The following SLC36A1 variants were observed in gnomAD, a reference collection of about 807,000 sequenced individuals.
SLC36A1 encodes proton-coupled amino acid transporter 1.
Under a neutral mutation model 47.5 loss-of-function variants are expected in SLC36A1, and 30 were observed. The ratio of observed to expected loss-of-function variants is 0.63; its 90% CI spans 0.47 to 0.86. The LOEUF (loss-of-function observed/expected upper bound fraction) is 0.86, where lower values mean the gene tolerates loss of function less well. Ranked by LOEUF, SLC36A1 falls within the 40% of genes least tolerant of loss-of-function variation. The pLI is 0.00. For missense variants in SLC36A1, 517 were observed against 606.0 expected (o/e 0.85, Z 1.54); for synonymous variants, 255 against 249.7 (o/e 1.02, Z -0.20).
At chr5:151,532,059 G>A in the SLC36A1 span, 1 of 1,515,836 alleles carries the variant, frequency 6.6e-7, no homozygotes, top group Non-Finnish European at 8.9e-7. Context: ...GGAGGGGCTG[G>A]GGAGGGGCTC....
chr5:151,455,937 T>G lies in SLC36A1; in HGVS notation c.-5-2851T>G, dbSNP rs141219048. Among the ~76,000 whole-genome samples, 3 of 152,338 alleles carry G rather than the reference T, an allele frequency of 2.0e-5. No homozygotes were observed. In the East Asian group the frequency reaches 5.8e-4, roughly 29 times the overall value. ...AGTTATGATGTCCAGTGTTAGCATTTTATGACTTAGTGGTGTCAGTTAGTC... is the reference window on the plus strand; with the variant it reads ...AGTTATGATGTCCAGTGTTAGCATTGTATGACTTAGTGGTGTCAGTTAGTC... On this transcript the variant is annotated intron_variant, in intron 1 of 10. Coordinates refer to ENST00000243389, the MANE Select transcript of SLC36A1 (RefSeq NM_078483.4).
At chr5:151,450,968 A>G (rs982949981) in intron 1 of SLC36A1, 1 of 152,182 alleles carries the variant, frequency 6.6e-6, no homozygotes, top group Non-Finnish European at 1.5e-5. Flanking sequence ...GAGTCTGTTT[A>G]CTTCCACCCA....
chr5:151,431,040 A>G, the SLC36A1 span, among the ~76,000 whole-genome samples: 1 of 152,148 alleles, frequency 6.6e-6, no homozygotes, highest in Admixed American at 6.5e-5. Context: ...CACAGTTCCC[A>G]GGTGTTGAAT....
chr5:151,449,659 A>G (rs1185739561), intron 1 of SLC36A1, among the ~76,000 whole-genome samples: 6 of 152,224 alleles, frequency 3.9e-5, no homozygotes, highest in Non-Finnish European at 7.3e-5. Flanking sequence ...TGGGACCAAT[A>G]GATGAAAGTG....
At chr5:151,405,343 C>CTTTTTTTTTTTTTTTT in the SLC36A1 span, among the ~76,000 whole-genome samples, 1 of 85,268 alleles carries the variant, frequency 1.2e-5, no homozygotes, top group Admixed American at 1.4e-4. Context: ...CTCTCTTTCT[C>CTTTTTTTTTTTTTTTT]TTTTTTTTTT....
At chr5:151,374,705 A>T in the SLC36A1 span, among the ~76,000 whole-genome samples, 1 of 152,224 alleles carries the variant, frequency 6.6e-6, no homozygotes, top group African/African-American at 2.4e-5. Context: ...ACAATGTATT[A>T]GCATTCCTTT....
rs75870261 is a variant in SLC36A1 at position 151,476,890 on chromosome 5, C to T, written c.989+134C>T. ...TCTAGCCCACCATCCCCTGCCACTGCCAGCCCTCACTGGCTGCCCTGGACT... is the reference window on the plus strand; with the variant it reads ...TCTAGCCCACCATCCCCTGCCACTGTCAGCCCTCACTGGCTGCCCTGGACT... On this transcript the variant is annotated intron_variant, in intron 9 of 10. Coordinates refer to ENST00000243389, the MANE Select transcript of SLC36A1 (RefSeq NM_078483.4). 981 of 1,118,592 alleles carry T rather than the reference C, an allele frequency of 8.8e-4. 9 individuals are homozygous for T. In the African/African-American group the frequency reaches 0.013, roughly 15 times the overall value. The allele number at this position is 1,118,592 out of a possible 1,614,324, so 69.3% of individuals were successfully genotyped here.
chr5:151,421,215 T>C, the SLC36A1 span, among the ~76,000 whole-genome samples: 113 of 142,752 alleles, frequency 7.9e-4, no homozygotes, highest in African/African-American at 2.7e-3. Context: ...CTTCCTTCCT[T>C]CCTCCCTTTC....
chr5:151,354,127 A>T, the SLC36A1 span, among the ~76,000 whole-genome samples: 2 of 152,110 alleles, frequency 1.3e-5, no homozygotes, highest in Non-Finnish European at 2.9e-5. Context: ...AACATGGTGA[A>T]ACCCCGTCTC....
the SLC36A1 span, chr5:151,537,657 G>T: frequency 2.5e-6 from 2 of 805,494 alleles, no homozygotes; most frequent in Non-Finnish European, 3.8e-6. Context: ...TACAATGCTT[G>T]GCACATAGGG....
the SLC36A1 span, chr5:151,531,827 C>G: frequency 6.2e-7 from 1 of 1,613,864 alleles, no homozygotes; most frequent in Non-Finnish European, 8.5e-7. The surrounding 1 kb of genome is among the most constrained non-coding windows in gnomAD (Gnocchi z 5.7). Flanking sequence ...GTGCCCAGGT[C>G]AGAGGCACGG....
At chr5:151,377,511 G>A in the SLC36A1 span, among the ~76,000 whole-genome samples, 15 of 151,306 alleles carry the variant, frequency 9.9e-5, no homozygotes, top group African/African-American at 3.6e-4. Context: ...ACCATGCCCG[G>A]CTAATTTTTG....
At chr5:151,397,764 C>CA in the SLC36A1 span, among the ~76,000 whole-genome samples, 18,106 of 43,964 alleles carry the variant, frequency 0.41, 3,339 homozygotes, top group East Asian at 0.47. Context: ...AACTCCAACT[C>CA]AAAAAAAAAA....
At chr5:151,459,295 C>T (rs575755197) in intron 2 of SLC36A1, among the ~76,000 whole-genome samples, 18 of 152,292 alleles carry the variant, frequency 1.2e-4, no homozygotes, top group Admixed American at 3.3e-4. Context: ...AGTCTCCCCC[C>T]GAATTCTGCC....
At chr5:151,472,890 A>C (rs6860029) in intron 7 of SLC36A1, among the ~76,000 whole-genome samples, 4,566 of 152,262 alleles carry the variant, frequency 0.03, 220 homozygotes, top group African/African-American at 0.1. Context: ...CATACTGGCC[A>C]GGCGCAGTGG....
At chr5:151,417,756 C>A in the SLC36A1 span, among the ~76,000 whole-genome samples, 1 of 152,154 alleles carries the variant, frequency 6.6e-6, no homozygotes, top group Non-Finnish European at 1.5e-5. Flanking sequence ...AAAGAATAAC[C>A]AGTTTTGGTG....
At chr5:151,512,069 C>T in the SLC36A1 span, 1 of 1,191,588 alleles carries the variant, frequency 8.4e-7, no homozygotes, top group Non-Finnish European at 1.2e-6. The surrounding 1 kb of genome is among the most constrained non-coding windows in gnomAD (Gnocchi z 4.1). Flanking sequence ...AAATTTGGAA[C>T]CAGGAGGCTC....
At chr5:151,499,426 A>G in the SLC36A1 span, among the ~76,000 whole-genome samples, 1 of 152,202 alleles carries the variant, frequency 6.6e-6, no homozygotes, top group South Asian at 2.1e-4. Flanking sequence ...TGACTCTTCT[A>G]TACTGGACCA....
At chr5:151,398,279 A>C in the SLC36A1 span, among the ~76,000 whole-genome samples, 1 of 152,148 alleles carries the variant, frequency 6.6e-6, no homozygotes, top group Non-Finnish European at 1.5e-5. Context: ...GAAAATGGCA[A>C]TTAGAATGTA....
Sources: allele counts gnomAD v4.1 joint callset (sites outside exome capture counted in the v4.1 genomes callset), GRCh38; gene constraint gnomAD v4.1.1; non-coding constraint Gnocchi (gnomAD v3.1); transcripts MANE v1.5; gene names NCBI Gene and HGNC (gene_info 2026-07-23, HGNC 2026-07-21).